The following STXBP4 variants were observed in gnomAD, a reference collection of about 807,000 sequenced individuals.
The protein encoded by STXBP4 is syntaxin-binding protein 4.
STXBP4 carries 55 observed loss-of-function variants against 76.1 expected under a neutral mutation model. That is an observed-to-expected ratio of 0.72 (90% CI 0.58 to 0.91). The LOEUF (loss-of-function observed/expected upper bound fraction) is 0.91. STXBP4 is among the 40% of genes least tolerant of loss of function. The pLI is 0.00. For missense variants in STXBP4, 618 were observed against 636.9 expected (o/e 0.97, Z 0.32); for synonymous variants, 201 against 220.2 (o/e 0.91, Z 0.77).
chr17:55,005,663 T>C (rs1201002605), intron 7 of STXBP4, among the ~76,000 whole-genome samples: 1 of 152,160 alleles, frequency 6.6e-6, no homozygotes, highest in Non-Finnish European at 1.5e-5. Flanking sequence ...TTCCAATCAC[T>C]TAACACTTGA....
At chr17:55,183,695 G>T in the STXBP4 span, among the ~76,000 whole-genome samples, 1 of 152,104 alleles carries the variant, frequency 6.6e-6, no homozygotes, top group Non-Finnish European at 1.5e-5. Context: ...AATTTTAAGA[G>T]ATATACAGTG....
the STXBP4 span, among the ~76,000 whole-genome samples, chr17:55,190,654 C>T: frequency 3.9e-5 from 6 of 152,134 alleles, no homozygotes; most frequent in Non-Finnish European, 5.9e-5. Flanking sequence ...GGTGGATCTG[C>T]TCCCGAGGGA....
chr17:55,026,155 A>G (rs1488480666), intron 8 of STXBP4, among the ~76,000 whole-genome samples: 1 of 152,202 alleles, frequency 6.6e-6, no homozygotes, highest in Non-Finnish European at 1.5e-5. Context: ...TGATGAATCT[A>G]TGAGCTTAAT....
chr17:55,205,181 G>A, the STXBP4 span, among the ~76,000 whole-genome samples: 2,096 of 152,068 alleles, frequency 0.014, 44 homozygotes, highest in African/African-American at 0.048. Context: ...ATATTATAAA[G>A]TTTTAGTAAT....
At chr17:55,107,766 A>C (rs924464247) in intron 16 of STXBP4, among the ~76,000 whole-genome samples, 1 of 152,162 alleles carries the variant, frequency 6.6e-6, no homozygotes. Context: ...AACAACAAAG[A>C]TTGCTGCCTG....
chr17:54,980,568 C>G (rs1259532411), intron 1 of STXBP4, among the ~76,000 whole-genome samples: 2 of 152,238 alleles, frequency 1.3e-5, no homozygotes, highest in Non-Finnish European at 2.9e-5. Context: ...TAAATTTCCT[C>G]TAGAGGTTTT....
intron 4 of STXBP4, among the ~76,000 whole-genome samples, chr17:54,998,660 G>T (rs1394513086): frequency 1.3e-5 from 2 of 152,072 alleles, no homozygotes; most frequent in East Asian, 1.9e-4. Flanking sequence ...TAGTAAAAAA[G>T]ATTATGCTGA....
Position 55,059,393 on chromosome 17 carries a change from T to C in STXBP4, c.1011+12239T>C, listed in dbSNP as rs139111948. ...TGACACAGACATTACAGTTCAACAA[T>C]AATATCTTAAATGATGCAGTGATTA... On this transcript the variant is annotated intron_variant, in intron 12 of 17. Transcript: ENST00000376352. 9.9e-3 allele frequency among the ~76,000 whole-genome samples: 1,514 copies of C among 152,264 alleles called. 11 individuals are homozygous for C. The highest frequency in any genetic ancestry group is 0.017 in the Non-Finnish European group (1,139 of 68,000).
chr17:55,035,735 T>A (rs1244713896), intron 10 of STXBP4, among the ~76,000 whole-genome samples: 1 of 151,936 alleles, frequency 6.6e-6, no homozygotes, highest in Non-Finnish European at 1.5e-5. Flanking sequence ...GATGAAAGAA[T>A]TCTTTTCATG....
chr17:55,052,514 T>A lies in STXBP4; in HGVS notation c.1011+5360T>A, dbSNP rs922821854. 3.3e-5 allele frequency among the ~76,000 whole-genome samples: 5 copies of A among 152,246 alleles called. No individual in the cohort carries two copies. The South Asian group carries it at 6.2e-4, about 19-fold the overall frequency. ...AAGCTGCTAGATTTGGAAATCAGTATTTTATATCTATTTTAATAAAGACTT... is the reference window on the plus strand; with the variant it reads ...AAGCTGCTAGATTTGGAAATCAGTAATTTATATCTATTTTAATAAAGACTT... On this transcript the variant is annotated intron_variant, in intron 12 of 17. Transcript: ENST00000376352.
rs767817110 is a variant in STXBP4, at chr17:55,058,996, ACT to A, written c.1011+11843_1011+11844del. 1.2e-4 allele frequency among the ~76,000 whole-genome samples: 19 copies of A among 152,190 alleles called. No individual in the cohort carries two copies. The East Asian group carries it at 3.1e-3, about 25-fold the overall frequency. On this transcript the variant is annotated intron_variant, in intron 12 of 17. Coordinates refer to ENST00000376352, the MANE Select transcript of STXBP4 (RefSeq NM_178509.6). ...CAAAATTTTCTTCTACAGTAAACAC[ACT>A]TTTTGCAAATTGCAATTGCATTGTT...
chr17:55,200,831 A>G, the STXBP4 span, among the ~76,000 whole-genome samples: 3 of 152,270 alleles, frequency 2.0e-5, no homozygotes, highest in Admixed American at 6.5e-5. Flanking sequence ...ATTTTTAACA[A>G]TTAACAAACA....
chr17:54,990,460 T>C lies in STXBP4; in HGVS notation c.48-365T>C, dbSNP rs367820012. Reference sequence around the variant, plus strand: ...CTTTTGAGAATCTAGTGGCTGGTGATCTGTCACTGTCTCCCCTCACCCCCA... The same window carrying C: ...CTTTTGAGAATCTAGTGGCTGGTGACCTGTCACTGTCTCCCCTCACCCCCA... On this transcript the variant is annotated intron_variant, in intron 3 of 17. Transcript: ENST00000376352. Among the ~76,000 whole-genome samples, 221 of 152,320 alleles carry C rather than the reference T, an allele frequency of 1.5e-3. 7 individuals are homozygous for C. The South Asian group carries it at 0.045, about 31-fold the overall frequency.
chr17:55,100,910 A>G (rs2079555116), intron 16 of STXBP4, among the ~76,000 whole-genome samples: 1 of 152,150 alleles, frequency 6.6e-6, no homozygotes, highest in African/African-American at 2.4e-5. Context: ...TAGGAGACTC[A>G]TGACAAGGAG....
intron 13 of STXBP4, among the ~76,000 whole-genome samples, chr17:55,075,840 C>T (rs773951752): frequency 6.6e-6 from 1 of 152,108 alleles, no homozygotes; most frequent in Non-Finnish European, 1.5e-5. Flanking sequence ...CTTCTCAACT[C>T]AATGTACAGT....
At chr17:55,023,608 G>A (rs900399970) in intron 8 of STXBP4, among the ~76,000 whole-genome samples, 1 of 152,040 alleles carries the variant, frequency 6.6e-6, no homozygotes, top group Non-Finnish European at 1.5e-5. Context: ...CGGATTTTTG[G>A]ATTAGAGATG....
chr17:54,969,643 T>A (rs2077357419), intron 1 of STXBP4, among the ~76,000 whole-genome samples: 2 of 152,244 alleles, frequency 1.3e-5, no homozygotes, highest in Admixed American at 6.5e-5. Flanking sequence ...GCTGTATTTC[T>A]ACTTGCTACG....
At chr17:55,046,888 G>C (rs1285749075) in intron 11 of STXBP4, among the ~76,000 whole-genome samples, 2 of 151,790 alleles carry the variant, frequency 1.3e-5, no homozygotes, top group African/African-American at 4.8e-5. Context: ...GTAATAAAAA[G>C]TATATTTACA....
At chr17:54,984,119 T>C (rs1319589042) in intron 1 of STXBP4, among the ~76,000 whole-genome samples, 1 of 152,036 alleles carries the variant, frequency 6.6e-6, no homozygotes, top group African/African-American at 2.4e-5. Flanking sequence ...CCCAGACCAG[T>C]GAATACATTG....
Sources: gnomAD v4.1 joint callset for allele counts (sites outside exome capture counted in the v4.1 genomes callset) on GRCh38, gnomAD v4.1.1 for gene constraint, MANE v1.5 for transcripts, NCBI Gene and HGNC (gene_info 2026-07-23, HGNC 2026-07-21) for gene names.